The following TMEM108 variants were observed in gnomAD, a reference collection of about 807,000 sequenced individuals.
TMEM108 encodes the protein transmembrane protein 108.
TMEM108 carries 12 observed loss-of-function variants against 35.1 expected under a neutral mutation model. The observed-to-expected ratio is 0.34, with a 90% CI of 0.22 to 0.55. TMEM108 has a LOEUF of 0.55. Ranked by LOEUF, TMEM108 falls within the 20% of genes least tolerant of loss-of-function variation. The pLI, the probability that TMEM108 is intolerant of heterozygous loss-of-function variation, is 0.89. For synonymous variants in TMEM108, 287 were observed against 308.6 expected, an observed-to-expected ratio of 0.93 and a Z score of 0.73; for missense variants, 680 against 753.3, an observed-to-expected ratio of 0.90 and a Z score of 1.14.
chr3:133,363,095 C>T (rs1343907329), intron 3 of TMEM108, among the ~76,000 whole-genome samples: 1 of 152,154 alleles, frequency 6.6e-6, no homozygotes, highest in Non-Finnish European at 1.5e-5. Flanking sequence ...TTCTGTGTGG[C>T]CTTCCCTGCC....
In TMEM108 at chr3:133,397,375, T is replaced by G. The variant is rs2073320461; in HGVS notation, c.*1389T>G. 6.6e-6 allele frequency: 1 copy of G among 152,080 alleles called. No homozygotes were observed. The highest frequency in any genetic ancestry group is 2.1e-4 in the South Asian group (1 of 4,832). The allele number at this position is 152,080 out of a possible 1,614,324, so 9.4% of individuals were successfully genotyped here. The stretch of plus-strand genomic sequence containing the variant: ...CTGTAGTCTATCATGACTTTTTTCT[T>G]TCTGCATTTTCCTTAAAAAAAAAAA... On this transcript the variant is annotated 3_prime_UTR_variant, in exon 6 of 6. Transcript: ENST00000321871.
Position 133,396,164 on chromosome 3 carries a change from A to C in TMEM108, c.*178A>C. On this transcript the variant is annotated 3_prime_UTR_variant, in exon 6 of 6. Transcript: ENST00000321871. ...CAAGTGTGGTTTAAAAAAAAAAAAA[A>C]CTTTACAGAATGATCTGTGGCTTTA... 4.2e-6 allele frequency: 1 copy of C among 238,118 alleles called. No homozygotes were observed. The highest frequency in any genetic ancestry group is 1.7e-4 in the South Asian group (1 of 5,884). The allele number at this position is 238,118 out of a possible 1,614,324, so 14.8% of individuals were successfully genotyped here.
chr3:133,105,062 T>C (rs1944133138), intron 2 of TMEM108, among the ~76,000 whole-genome samples: 1 of 152,218 alleles, frequency 6.6e-6, no homozygotes, highest in African/African-American at 2.4e-5. Flanking sequence ...ATTGCTTCCA[T>C]AACAAATTAC....
chr3:133,361,841 G>A (rs778391898), intron 3 of TMEM108, among the ~76,000 whole-genome samples: 5 of 152,182 alleles, frequency 3.3e-5, no homozygotes, highest in Non-Finnish European at 7.3e-5. Context: ...AGGGAATGCA[G>A]ACACCACTTC....
chr3:133,161,700 CAAA>C (rs34741383), intron 2 of TMEM108, among the ~76,000 whole-genome samples: 1 of 139,120 alleles, frequency 7.2e-6, no homozygotes, highest in Non-Finnish European at 1.6e-5. Context: ...CTCATTCCCT[CAAA>C]AAAAAAAAAA....
chr3:133,361,794 T>G (rs1258950385), intron 3 of TMEM108, among the ~76,000 whole-genome samples: 1 of 152,178 alleles, frequency 6.6e-6, no homozygotes, highest in Non-Finnish European at 1.5e-5. Context: ...TGGAATAACT[T>G]CTGCATAGTC....
intron 2 of TMEM108, among the ~76,000 whole-genome samples, chr3:133,223,397 T>TAA (rs1946020781): frequency 6.6e-6 from 1 of 152,168 alleles, no homozygotes; most frequent in Non-Finnish European, 1.5e-5. Flanking sequence ...ACCTGGAGCT[T>TAA]AAAACTACTG....
chr3:133,062,853 T>C (rs545492416), intron 2 of TMEM108, among the ~76,000 whole-genome samples: 6 of 152,294 alleles, frequency 3.9e-5, no homozygotes, highest in African/African-American at 1.2e-4. Flanking sequence ...TTCATGTGTA[T>C]GAGTGGAGTG....
intron 3 of TMEM108, among the ~76,000 whole-genome samples, chr3:133,299,715 A>G (rs73221187): frequency 0.047 from 7,132 of 152,134 alleles, 202 homozygotes; most frequent in Non-Finnish European, 0.064. Context: ...ACTGAAGACA[A>G]TTTCCATTTG....
intron 2 of TMEM108, among the ~76,000 whole-genome samples, chr3:133,059,139 A>G (rs551325954): frequency 1.3e-5 from 2 of 152,274 alleles, no homozygotes; most frequent in African/African-American, 4.8e-5. Context: ...CGTTAATCCC[A>G]TGTGTGAGGG....
chr3:133,213,586 C>T (rs1945864246), intron 2 of TMEM108, among the ~76,000 whole-genome samples: 1 of 152,126 alleles, frequency 6.6e-6, no homozygotes, highest in Non-Finnish European at 1.5e-5. Context: ...CTTTTCTTTG[C>T]AGTGAGTGAC....
intron 3 of TMEM108, among the ~76,000 whole-genome samples, chr3:133,349,959 C>T (rs926904515): frequency 2.6e-5 from 4 of 152,004 alleles, no homozygotes; most frequent in African/African-American, 9.7e-5. Context: ...ATCAGTATAT[C>T]AAAAGATATC....
chr3:133,077,398 G>A (rs1943755375), intron 2 of TMEM108, among the ~76,000 whole-genome samples: 3 of 152,128 alleles, frequency 2.0e-5, no homozygotes, highest in Admixed American at 6.5e-5. Context: ...CCCAGGGGAG[G>A]TGCCAGGGGC....
chr3:133,206,727 G>A (rs1009744365), intron 2 of TMEM108, among the ~76,000 whole-genome samples: 2 of 152,192 alleles, frequency 1.3e-5, no homozygotes, highest in African/African-American at 4.8e-5. Flanking sequence ...TCCTGTATGA[G>A]GTGTCTGTCG....
chr3:133,091,504 A>G (rs1234817850), intron 2 of TMEM108, among the ~76,000 whole-genome samples: 1 of 152,212 alleles, frequency 6.6e-6, no homozygotes, highest in African/African-American at 2.4e-5. Context: ...GATGCATAAT[A>G]TGGTTTAGTA....
At chr3:133,304,330 A>G (rs1004159838) in intron 3 of TMEM108, among the ~76,000 whole-genome samples, 12 of 152,280 alleles carry the variant, frequency 7.9e-5, no homozygotes, top group African/African-American at 2.9e-4. Context: ...GGCTATACTG[A>G]CATTTTTAAC....
At position 133,045,535 on chromosome 3, in the gene TMEM108, G is replaced by A. The variant is rs531569368; in HGVS notation, c.-165-367G>A. On this transcript the variant is annotated intron_variant, in intron 1 of 5. Coordinates refer to ENST00000321871, the MANE Select transcript of TMEM108 (RefSeq NM_023943.4). ...CCAACCAACAGAATGTGATGGAAGT[G>A]GAAAAGTATTGTGATCCACTTCTAG... Among the ~76,000 whole-genome samples the A allele has an allele frequency of 9.2e-5, 14 of 152,160 alleles. 1 individual carries two copies. The South Asian group carries it at 1.0e-3, about 11-fold the overall frequency.
chr3:133,056,001 A>T (rs1216183884), intron 2 of TMEM108, among the ~76,000 whole-genome samples: 1 of 152,232 alleles, frequency 6.6e-6, no homozygotes, highest in Non-Finnish European at 1.5e-5. Flanking sequence ...ATATTAATAC[A>T]GTCCTGGATT....
rs1203887132 is a variant in TMEM108 at position 133,305,847 on chromosome 3, A to G, written c.41-73905A>G. Among the ~76,000 whole-genome samples, 4 of 152,016 alleles carry G rather than the reference A, an allele frequency of 2.6e-5. No homozygotes were observed. In the South Asian group the frequency reaches 6.2e-4, roughly 24 times the overall value. On this transcript the variant is annotated intron_variant, in intron 3 of 5. Transcript: ENST00000321871. ...TCCCTAATGACTAATAATATTGAGC[A>G]TTTTTCAATATATTTATTTGCCATC...
Sources: allele counts gnomAD v4.1 joint callset (sites outside exome capture counted in the v4.1 genomes callset), GRCh38; gene constraint gnomAD v4.1.1; transcripts MANE v1.5; gene names NCBI Gene and HGNC (gene_info 2026-07-23, HGNC 2026-07-21).